Variants in SUMF1 observed in about 807,000 individuals in gnomAD.
SUMF1 encodes the protein formylglycine-generating enzyme.
A neutral mutation model predicts 47.6 loss-of-function variants in SUMF1; 48 were observed. That is an observed-to-expected ratio of 1.01 (90% CI 0.80 to 1.28). The LOEUF is 1.28. Among genes scored for constraint, SUMF1 ranks in the 50% most tolerant of loss-of-function variants. The probability of loss-of-function intolerance (pLI) is 0.00; values close to 1 mark genes in which losing one functional copy is unlikely to be tolerated. For synonymous variants in SUMF1, 230 were observed against 192.1 expected (o/e 1.20, Z -1.63); for missense variants, 571 against 485.4 (o/e 1.18, Z -1.66).
chr3:4,340,393 G>A (rs1699246512), intron 8 of SUMF1, among the ~76,000 whole-genome samples: 1 of 152,140 alleles, frequency 6.6e-6, no homozygotes, highest in Admixed American at 6.5e-5. Context: ...ATCCTTTTGT[G>A]AATGCAGAGC....
At chr3:4,316,245 C>T (rs1444751949) in intron 8 of SUMF1, 10 of 756,038 alleles carry the variant, frequency 1.3e-5, no homozygotes, top group Middle Eastern at 3.5e-4. Flanking sequence ...AAAGCAAATT[C>T]GAGCAATTTT....
intron 1 of SUMF1, among the ~76,000 whole-genome samples, chr3:4,456,821 T>TATATATACAC (rs1449850048): frequency 1.3e-5 from 2 of 149,810 alleles, no homozygotes; most frequent in East Asian, 3.9e-4. Flanking sequence ...TACGTGTGTG[T>TATATATACAC]GTATATATAC....
chr3:4,162,129 C>T (rs1160242833), intron 8 of SUMF1, among the ~76,000 whole-genome samples: 2 of 152,054 alleles, frequency 1.3e-5, no homozygotes, highest in Non-Finnish European at 2.9e-5. Flanking sequence ...GGAATGGGGG[C>T]CTCACAACTC....
chr3:4,433,125 T>C (rs1048016348), intron 3 of SUMF1, among the ~76,000 whole-genome samples: 2 of 152,224 alleles, frequency 1.3e-5, no homozygotes, highest in Non-Finnish European at 2.9e-5. Flanking sequence ...AGCATGACTC[T>C]CTACTCAACA....
chr3:4,218,406 C>T (rs578122048), intron 8 of SUMF1, among the ~76,000 whole-genome samples: 2 of 152,146 alleles, frequency 1.3e-5, no homozygotes, highest in Admixed American at 6.5e-5. Flanking sequence ...CACCACAGGC[C>T]TCCGGGAATA....
At chr3:4,245,867 G>A (rs532739081) in intron 8 of SUMF1, among the ~76,000 whole-genome samples, 1 of 152,334 alleles carries the variant, frequency 6.6e-6, no homozygotes, top group South Asian at 2.1e-4. Context: ...TAGAGAGGCA[G>A]TAGCCCTTGC....
chr3:4,138,149 C>A (rs1467750237), intron 8 of SUMF1, among the ~76,000 whole-genome samples: 3 of 151,958 alleles, frequency 2.0e-5, no homozygotes, highest in African/African-American at 7.3e-5. Flanking sequence ...AATAAAAGAC[C>A]TAAGTAAATG....
chr3:4,230,579 C>T (rs1696276292), intron 8 of SUMF1, among the ~76,000 whole-genome samples: 1 of 152,080 alleles, frequency 6.6e-6, no homozygotes, highest in Non-Finnish European at 1.5e-5. Flanking sequence ...CGCCACCTTC[C>T]CAGCACCTCA....
chr3:4,080,104 G>A (rs766543862), intron 8 of SUMF1, among the ~76,000 whole-genome samples: 13 of 151,884 alleles, frequency 8.6e-5, no homozygotes, highest in Admixed American at 2.0e-4. Flanking sequence ...ACTTTTACCC[G>A]TAGTTCACTG....
At chr3:4,055,946 A>G (rs1271272326) in intron 9 of SUMF1, among the ~76,000 whole-genome samples, 3 of 152,056 alleles carry the variant, frequency 2.0e-5, no homozygotes, top group Non-Finnish European at 4.4e-5. Flanking sequence ...ATCTTCCTCT[A>G]TCTTCAAAGC....
chr3:4,365,051 T>G (rs1410714889), intron 8 of SUMF1, among the ~76,000 whole-genome samples: 1 of 151,998 alleles, frequency 6.6e-6, no homozygotes, highest in Non-Finnish European at 1.5e-5. Context: ...AATCCTGAGT[T>G]CTAGTTTGAT....
chr3:4,052,214 G>A (rs1559429097), intron 9 of SUMF1, among the ~76,000 whole-genome samples: 1 of 152,078 alleles, frequency 6.6e-6, no homozygotes, highest in East Asian at 1.9e-4. Context: ...GATGGACGGG[G>A]CAAGGCAGCT....
intron 8 of SUMF1, among the ~76,000 whole-genome samples, chr3:4,138,972 C>T (rs1317007882): frequency 6.6e-6 from 1 of 152,034 alleles, no homozygotes; most frequent in Non-Finnish European, 1.5e-5. Context: ...CATTTCTTCT[C>T]AACTCCACTT....
At chr3:4,281,599 G>A (rs1449985009) in intron 8 of SUMF1, among the ~76,000 whole-genome samples, 3 of 152,130 alleles carry the variant, frequency 2.0e-5, no homozygotes, top group Admixed American at 2.0e-4. Context: ...TCAGAGAGAT[G>A]TTTACAGTTC....
intron 8 of SUMF1, among the ~76,000 whole-genome samples, chr3:4,212,170 T>C (rs563350510): frequency 1.3e-5 from 2 of 152,246 alleles, no homozygotes; most frequent in Admixed American, 6.5e-5. Context: ...AGACAGCTCA[T>C]ACAGGAGAGC....
chr3:4,359,495 T>C (rs1699694510), downstream of SUMF1, among the ~76,000 whole-genome samples: 1 of 152,188 alleles, frequency 6.6e-6, no homozygotes, highest in Non-Finnish European at 1.5e-5. Flanking sequence ...GTTGCTGTTA[T>C]AACTCCGTGT....
In SUMF1 at chr3:4,268,681, T is replaced by TA. The variant is rs898229500; in HGVS notation, c.1014+107648dup. Among the ~76,000 whole-genome samples, 841 of 147,758 alleles carry TA rather than the reference T, an allele frequency of 5.7e-3. 4 individuals are homozygous for TA. The highest frequency in any genetic ancestry group is 0.018 in the African/African-American group (736 of 40,434). The stretch of plus-strand genomic sequence containing the variant: ...TGTTTACATACACAGAAACTCAGAT[T>TA]AAAAAAAAAATCTATCCAGTGCTAA... On this transcript the variant is annotated intron_variant and NMD_transcript_variant, in intron 8 of 12. Transcript: ENST00000448413.
chr3:4,149,562 C>T (rs956190792), intron 8 of SUMF1, among the ~76,000 whole-genome samples: 1 of 152,130 alleles, frequency 6.6e-6, no homozygotes, highest in Non-Finnish European at 1.5e-5. Flanking sequence ...CTTTGAACCA[C>T]GTCATTAGGA....
chr3:4,441,012 T>C (rs900742948), intron 3 of SUMF1, among the ~76,000 whole-genome samples: 4 of 152,138 alleles, frequency 2.6e-5, no homozygotes, highest in African/African-American at 9.7e-5. Flanking sequence ...GGGTTATCTA[T>C]AGCAAGGGTC....
Sources: gnomAD v4.1 joint callset for allele counts (sites outside exome capture counted in the v4.1 genomes callset) on GRCh38, gnomAD v4.1.1 for gene constraint, MANE v1.5 for transcripts, NCBI Gene and HGNC (gene_info 2026-07-23, HGNC 2026-07-21) for gene names.